CD200R1L: variants seen among roughly 807,000 people sequenced by gnomAD.
CD200R1L encodes CD200 receptor 1 like, also known as cell surface glycoprotein CD200 receptor 2.
Under a neutral mutation model 24.8 loss-of-function variants are expected in CD200R1L, and 14 were observed. That is an observed-to-expected ratio of 0.56 (90% CI 0.37 to 0.88). The LOEUF (loss-of-function observed/expected upper bound fraction) is 0.88, where lower values mean the gene tolerates loss of function less well. Among genes scored for constraint, CD200R1L ranks in the 40% least tolerant of loss-of-function variants. CD200R1L has a pLI of 0.00. For synonymous variants in CD200R1L, 111 were observed against 109.2 expected (o/e 1.02, Z -0.11); for missense variants, 299 against 297.8 (o/e 1.00, Z -0.03).
At chr3:112,844,693 A>AG (rs202234058) in intron 2 of CD200R1L, among the ~76,000 whole-genome samples, 3,213 of 152,156 alleles carry the variant, frequency 0.021, 55 homozygotes, top group Non-Finnish European at 0.031. Context: ...TTGGGAGCTG[A>AG]GGGGGGTGGA....
At chr3:112,824,506 A>C (rs1182882412) in intron 6 of CD200R1L, among the ~76,000 whole-genome samples, 1 of 152,196 alleles carries the variant, frequency 6.6e-6, no homozygotes, top group Non-Finnish European at 1.5e-5. Flanking sequence ...GGTTGAAGCC[A>C]CAGGTATGGA....
At chr3:112,832,794 G>C (rs1938832931) in intron 3 of CD200R1L, among the ~76,000 whole-genome samples, 1 of 152,184 alleles carries the variant, frequency 6.6e-6, no homozygotes. Context: ...AAATAAGTTT[G>C]TATTCCACAG....
At chr3:112,835,453 G>C (rs1203894619) in intron 3 of CD200R1L, among the ~76,000 whole-genome samples, 1 of 152,194 alleles carries the variant, frequency 6.6e-6, no homozygotes, top group Non-Finnish European at 1.5e-5. Flanking sequence ...TCTGCAGCTG[G>C]TTGGCCCATT....
chr3:112,829,183 C>A (rs1023110740), intron 4 of CD200R1L, 136 bp downstream of exon 4: 1 of 633,196 alleles, frequency 1.6e-6, no homozygotes, highest in Admixed American at 2.6e-5. Flanking sequence ...CAGGGTCCTT[C>A]GTACCACAGC....
intron 3 of CD200R1L, among the ~76,000 whole-genome samples, chr3:112,830,089 G>C (rs748778192): frequency 3.3e-5 from 5 of 152,184 alleles, no homozygotes; most frequent in Non-Finnish European, 7.3e-5. Flanking sequence ...CTTAGAAACA[G>C]GGTCACTTCG....
intron 2 of CD200R1L, among the ~76,000 whole-genome samples, chr3:112,843,334 A>G (rs1679297387): frequency 6.6e-6 from 1 of 152,236 alleles, no homozygotes; most frequent in South Asian, 2.1e-4. Context: ...CAGCTCACTT[A>G]CAAAGAAACC....
At chr3:112,836,184 C>T (rs934135801) in intron 3 of CD200R1L, among the ~76,000 whole-genome samples, 2 of 152,218 alleles carry the variant, frequency 1.3e-5, no homozygotes, top group Admixed American at 6.5e-5. Context: ...GGGGGTAGTG[C>T]GGTCAGCTGC....
intron 2 of CD200R1L, among the ~76,000 whole-genome samples, chr3:112,842,487 T>C (rs1203583766): frequency 6.6e-6 from 1 of 152,144 alleles, no homozygotes; most frequent in African/African-American, 2.4e-5. Context: ...ATGAAATCAG[T>C]GCACCTTGAA....
chr3:112,833,684 C>T (rs1938866091), intron 3 of CD200R1L, among the ~76,000 whole-genome samples: 1 of 152,158 alleles, frequency 6.6e-6, no homozygotes, highest in Non-Finnish European at 1.5e-5. Flanking sequence ...GGTCCAGGCC[C>T]CCACTTCATA....
rs11391916 is a variant in CD200R1L, at chr3:112,830,498, G to GTTTT, written c.-17-1118_-17-1115dup. ...CCTACGTTATACTCTTGTCATTGCAGTTTTTTTTTTTTTTTTTTTTGCATT... is the reference window on the plus strand; with the variant it reads ...CCTACGTTATACTCTTGTCATTGCAGTTTTTTTTTTTTTTTTTTTTTTTTGCATT... On this transcript the variant is annotated intron_variant, in intron 3 of 7. Transcript: ENST00000488794. Among the ~76,000 whole-genome samples, 1,050 of 101,990 alleles carry GTTTT rather than the reference G, an allele frequency of 0.01. 56 individuals carry two copies. The East Asian group carries it at 0.16, about 15-fold the overall frequency. The allele number at this position is 101,990 out of a possible 152,430, so 66.9% of individuals were successfully genotyped here. A position where few individuals can be genotyped will look rare whatever the true frequency, so the allele number is the denominator to read the frequency against.
rs574278975 is a variant in CD200R1L, at chr3:112,829,203, A to G, written c.49+116T>C. 2.9e-4 allele frequency: 222 copies of G among 752,888 alleles called. 1 individual carries two copies. The African/African-American group carries it at 3.6e-3, about 12-fold the overall frequency. The allele number at this position is 752,888 out of a possible 1,614,324, so 46.6% of individuals were successfully genotyped here. ...TCCTTCGTACCACAGCACTCAGATC[A>G]ACATGTTCTTCAAGTAGTCACAAGG... On this transcript the variant is annotated intron_variant, in intron 4 of 7. Coordinates refer to ENST00000488794, the MANE Select transcript of CD200R1L (RefSeq NM_001199215.3).
chr3:112,825,912 T>C (rs554073628), intron 6 of CD200R1L, among the ~76,000 whole-genome samples: 3 of 152,248 alleles, frequency 2.0e-5, no homozygotes, highest in Admixed American at 2.0e-4. Flanking sequence ...ACGTATGAAG[T>C]AAGAGGCTAG....
In CD200R1L at chr3:112,827,235, G is replaced by T. The variant is rs1283970035; in HGVS notation, c.374C>A (p.Pro125His). ...CCTGCTTTGAAATAGGTTCACTTCG[G>T]GTGTAACTGCAGAGAGGAAAGAGGG... ...RGYHLQVLVT[P>H]EVNLFQSRNI... The change falls in exon 6 of 8, where the codon CCC (proline) becomes CAC (histidine). Residue 125 changes from proline (P) to histidine (H), a missense_variant. Physicochemically the swap from Pro to His is moderately conservative, Grantham distance 77. Coordinates refer to ENST00000488794, the MANE Select transcript of CD200R1L (RefSeq NM_001199215.3). 1.2e-6 allele frequency: 2 copies of T among 1,610,092 alleles called. No individual in the cohort carries two copies. The highest frequency in any genetic ancestry group is 1.7e-6 in the Non-Finnish European group (2 of 1,177,952).
intron 2 of CD200R1L, among the ~76,000 whole-genome samples, chr3:112,844,252 C>T (rs1939145900): frequency 6.6e-6 from 1 of 152,162 alleles, no homozygotes. Flanking sequence ...CCATTTTTCT[C>T]ATCTACATAT....
rs190871894 is a variant in CD200R1L at position 112,822,009 on chromosome 3, G to A, written c.617-2114C>T. Reference sequence around the variant, plus strand: ...TGGAGCATAGAATGGAATATGTAGAGATGAGTCTGCAATGATTTGAACCTA... The same window carrying A: ...TGGAGCATAGAATGGAATATGTAGAAATGAGTCTGCAATGATTTGAACCTA... On this transcript the variant is annotated intron_variant, in intron 6 of 7. Transcript: ENST00000488794. 7.9e-4 allele frequency among the ~76,000 whole-genome samples: 121 copies of A among 152,310 alleles called. 1 individual carries two copies. Among genetic ancestry groups the A allele is most frequent in the Non-Finnish European group, 1.9e-4 (13 of 68,036 alleles).
intron 7 of CD200R1L, 53 bp downstream of exon 7, chr3:112,819,719 T>C: frequency 6.8e-7 from 1 of 1,465,058 alleles, no homozygotes; most frequent in Non-Finnish European, 9.0e-7. Flanking sequence ...AATGTTACAA[T>C]GATACTTTTT....
At chr3:112,823,506 C>T (rs151257399) in intron 6 of CD200R1L, among the ~76,000 whole-genome samples, 1 of 152,152 alleles carries the variant, frequency 6.6e-6, no homozygotes, top group African/African-American at 2.4e-5. Flanking sequence ...TGTAGGACAC[C>T]TAGGTGGTGT....
intron 6 of CD200R1L, among the ~76,000 whole-genome samples, chr3:112,825,593 T>C (rs1038858018): frequency 6.6e-6 from 1 of 151,966 alleles, no homozygotes; most frequent in Middle Eastern, 3.2e-3. Context: ...TGAGGTGATA[T>C]AGAAGAGACA....
In CD200R1L at chr3:112,845,961, A is replaced by G; in HGVS notation, c.-358-11T>C. 8.4e-6 allele frequency: 4 copies of G among 478,850 alleles called. No individual in the cohort carries two copies. The highest frequency in any genetic ancestry group is 1.5e-5 in the Non-Finnish European group (4 of 268,972). The allele number at this position is 478,850 out of a possible 1,614,324, so 29.7% of individuals were successfully genotyped here. ...TGTCAGTGAGTTTTGCTGTGTAATA[A>G]AGCAAAAAAGCCAATGCTTACTACT... is the stretch of plus-strand genomic sequence containing the variant. On this transcript the variant is annotated splice_polypyrimidine_tract_variant and intron_variant, in intron 1 of 7. Transcript: ENST00000488794.
Sources: allele counts gnomAD v4.1 joint callset (sites outside exome capture counted in the v4.1 genomes callset), GRCh38; gene constraint gnomAD v4.1.1; transcripts MANE v1.5; gene names NCBI Gene and HGNC (gene_info 2026-07-23, HGNC 2026-07-21).